SIRPG: variants seen among roughly 807,000 people sequenced by gnomAD.
SIRPG encodes signal-regulatory protein gamma.
SIRPG carries 38 observed loss-of-function variants against 35.7 expected under a neutral mutation model. The observed-to-expected ratio is 1.06, with a 90% CI of 0.82 to 1.40. SIRPG has a LOEUF of 1.40. Among genes scored for constraint, SIRPG ranks in the 40% most tolerant of loss-of-function variants. The probability of loss-of-function intolerance (pLI) is 0.00; values close to 1 mark genes in which losing one functional copy is unlikely to be tolerated. For synonymous variants in SIRPG, 215 were observed against 190.4 expected, an observed-to-expected ratio of 1.13 and a Z score of -1.06; for missense variants, 519 against 483.0, an observed-to-expected ratio of 1.07 and a Z score of -0.70.
chr20:1,675,615 A>G, the SIRPG span, among the ~76,000 whole-genome samples: 3 of 152,092 alleles, frequency 2.0e-5, no homozygotes, highest in Non-Finnish European at 2.9e-5. Context: ...CCTGCTCACC[A>G]CTCAGGTCTC....
At chr20:1,645,991 G>A (rs371621815) in intron 2 of SIRPG, 9 of 152,322 alleles carry the variant, frequency 5.9e-5, no homozygotes, top group African/African-American at 2.2e-4. Context: ...GAATGTGCTA[G>A]GTGATTTACA....
the SIRPG span, among the ~76,000 whole-genome samples, chr20:1,682,363 A>C: frequency 6.6e-6 from 1 of 152,232 alleles, no homozygotes; most frequent in African/African-American, 2.4e-5. Flanking sequence ...GTCGATATTC[A>C]GCAATCTCTC....
chr20:1,666,146 T>C, the SIRPG span, among the ~76,000 whole-genome samples: 1 of 150,552 alleles, frequency 6.6e-6, no homozygotes, highest in African/African-American at 2.4e-5. Context: ...AAAGACAAAG[T>C]TCTAAACTAG....
chr20:1,685,416 AGAG>A, the SIRPG span, among the ~76,000 whole-genome samples: 3 of 152,074 alleles, frequency 2.0e-5, no homozygotes, highest in Admixed American at 6.5e-5. Flanking sequence ...TCTCAGAAGA[AGAG>A]GAGATGAGGA....
At chr20:1,675,971 T>C in the SIRPG span, among the ~76,000 whole-genome samples, 36,637 of 151,940 alleles carry the variant, frequency 0.24, 5,187 homozygotes, top group East Asian at 0.59. Context: ...TGCTCCCTGC[T>C]TCCCTCCCTG....
intron 4 of SIRPG, chr20:1,630,905 T>C (rs771946479): frequency 6.6e-6 from 1 of 152,344 alleles, no homozygotes; most frequent in African/African-American, 2.4e-5. Flanking sequence ...GGAGGAGCCA[T>C]GGAACACTGG....
At chr20:1,631,314 C>T (rs1407650106) in intron 4 of SIRPG, among the ~76,000 whole-genome samples, 4 of 152,168 alleles carry the variant, frequency 2.6e-5, no homozygotes, top group Non-Finnish European at 5.9e-5. Context: ...GAAAGCTGCA[C>T]TGCCCAATTC....
the SIRPG span, among the ~76,000 whole-genome samples, chr20:1,667,276 T>C: frequency 6.6e-6 from 1 of 152,202 alleles, no homozygotes. Context: ...TACCGGTTTG[T>C]GGCCTAGGAG....
upstream of SIRPG, chr20:1,657,859 A>C (rs549724510): frequency 4.1e-5 from 28 of 678,062 alleles, no homozygotes; most frequent in Non-Finnish European, 2.5e-6. Context: ...CTGCTTCTAG[A>C]TTGTGACTTA....
At chr20:1,635,048 A>C (rs1195961060) in intron 4 of SIRPG, among the ~76,000 whole-genome samples, 1 of 152,164 alleles carries the variant, frequency 6.6e-6, no homozygotes, top group Admixed American at 6.5e-5. Context: ...GTCTCAAAAA[A>C]AAAAAAAATT....
chr20:1,635,369 G>A lies in SIRPG; in HGVS notation c.979C>T (p.Leu327Phe). The A allele has an allele frequency of 6.2e-7, 1 of 1,614,082 alleles. No homozygotes were observed. The highest frequency in any genetic ancestry group is 1.3e-5 in the African/African-American group (1 of 75,014). ...CCATCATGCTTCACCTGGCAGGTGA[G>A]GACCACATCATCCCTTTGGTCAGAT... ...NISDQRDDVV[L>F]TCQVKHDGQL... The change falls in exon 4 of 6, where the codon CTC (leucine) becomes TTC (phenylalanine). Residue 327 changes from leucine to phenylalanine, a missense_variant. Coordinates refer to ENST00000303415, the MANE Select transcript of SIRPG (RefSeq NM_018556.4).
rs544687358 is a variant in SIRPG, at chr20:1,649,908, G to A, written c.74-500C>T. Among the ~76,000 whole-genome samples, 34 of 149,094 alleles carry A rather than the reference G, an allele frequency of 2.3e-4. No individual in the cohort carries two copies. In the South Asian group the frequency reaches 4.6e-3, roughly 20 times the overall value. ...GGCTTTCCATAGTGCTGGGATGACA[G>A]GTGAGAACCATCAAGCCCAGCCAAG... On this transcript the variant is annotated intron_variant, in intron 1 of 5. Transcript: ENST00000303415.
At chr20:1,659,817 C>T (rs1461551748), upstream of SIRPG, among the ~76,000 whole-genome samples, 1 of 152,174 alleles carries the variant, frequency 6.6e-6, no homozygotes, top group Non-Finnish European at 1.5e-5. Flanking sequence ...TTAGGAGCAG[C>T]CCTCATAGTG....
In SIRPG at chr20:1,636,585, C is replaced by T. The variant is rs2091805177; in HGVS notation, c.431-80G>A. ...GATGAGTGTGTGACACTGTTAAGAACCTTCAGATACATTAATTTTAATCCT... is the reference window on the plus strand; with the variant it reads ...GATGAGTGTGTGACACTGTTAAGAATCTTCAGATACATTAATTTTAATCCT... On this transcript the variant is annotated intron_variant, in intron 2 of 5. Transcript: ENST00000303415. 132 of 1,368,440 alleles carry T rather than the reference C, an allele frequency of 9.6e-5. 3 individuals carry two copies. In the South Asian group the frequency reaches 1.5e-3, roughly 16 times the overall value. 84.8% of individuals were successfully genotyped at this position (1,368,440 alleles called of 1,614,324 possible).
upstream of SIRPG, among the ~76,000 whole-genome samples, chr20:1,658,836 G>A (rs1250029816): frequency 5.3e-5 from 8 of 152,206 alleles, no homozygotes; most frequent in South Asian, 1.5e-3. Context: ...AGCAACCCAG[G>A]CCTCCTGAGA....
chr20:1,632,883 G>A (rs1416855361), intron 4 of SIRPG, among the ~76,000 whole-genome samples: 1 of 151,430 alleles, frequency 6.6e-6, no homozygotes, highest in Non-Finnish European at 1.5e-5. Context: ...GCAGGAGACA[G>A]GAATTAATAA....
At chr20:1,651,814 A>G (rs2091941910) in intron 1 of SIRPG, among the ~76,000 whole-genome samples, 1 of 152,090 alleles carries the variant, frequency 6.6e-6, no homozygotes, top group African/African-American at 2.4e-5. Context: ...CTATCCTAAA[A>G]TGTGTATCCT....
rs1175769837 is a variant in SIRPG, at chr20:1,629,290, G to A, written c.*349C>T. ...GCAGGATAACTCTTGAGAACCTGGA[G>A]AGCGTCTGTGGTTTACGGTCAGTCT... On this transcript the variant is annotated 3_prime_UTR_variant, in exon 6 of 6. Coordinates refer to ENST00000303415, the MANE Select transcript of SIRPG (RefSeq NM_018556.4). The A allele has an allele frequency of 6.6e-6, 1 of 152,338 alleles. No individual in the cohort carries two copies. Among genetic ancestry groups the A allele is most frequent in the Admixed American group, 6.5e-5 (1 of 15,290 alleles). The allele number at this position is 152,338 out of a possible 1,614,324, so 9.4% of individuals were successfully genotyped here. A position where few individuals can be genotyped will look rare whatever the true frequency, so the allele number is the denominator to read the frequency against.
intron 2 of SIRPG, among the ~76,000 whole-genome samples, chr20:1,638,833 A>G (rs960388546): frequency 7.7e-6 from 1 of 130,108 alleles, no homozygotes; most frequent in Non-Finnish European, 1.5e-5. Flanking sequence ...ATGTGTTCAC[A>G]TTGTGCAACT....
Sources: allele counts gnomAD v4.1 joint callset (sites outside exome capture counted in the v4.1 genomes callset), GRCh38; gene constraint gnomAD v4.1.1; transcripts MANE v1.5; gene names NCBI Gene and HGNC (gene_info 2026-07-23, HGNC 2026-07-21).